The following RNF126 variants were observed in gnomAD, a reference collection of about 807,000 sequenced individuals.
The protein encoded by RNF126 is E3 ubiquitin-protein ligase RNF126.
Under a neutral mutation model 41.9 loss-of-function variants are expected in RNF126, and 20 were observed. That is an observed-to-expected ratio of 0.48 (90% CI 0.34 to 0.69). The LOEUF is 0.69. Among genes scored for constraint, RNF126 ranks in the 30% least tolerant of loss-of-function variants. The pLI, the probability that RNF126 is intolerant of heterozygous loss-of-function variation, is 0.01. For synonymous variants in RNF126, 239 were observed against 202.9 expected (o/e 1.18, Z -1.51); for missense variants, 433 against 460.6 (o/e 0.94, Z 0.55).
At chr19:655,172 G>A (rs1004566665) in intron 1 of RNF126, among the ~76,000 whole-genome samples, 4 of 152,004 alleles carry the variant, frequency 2.6e-5, no homozygotes, top group Admixed American at 6.6e-5. Context: ...TGGGTATGCT[G>A]GGGTGGGTCT....
At chr19:652,326 G>C in intron 2 of RNF126, 30 bp from the exon 3 acceptor site, 3 of 1,535,330 alleles carry the variant, frequency 2.0e-6, no homozygotes, top group Non-Finnish European at 2.6e-6. Flanking sequence ...CAGCAGTGCC[G>C]GCTACCCTGT....
At chr19:653,761 A>T (rs980201076) in intron 1 of RNF126, among the ~76,000 whole-genome samples, 1 of 152,160 alleles carries the variant, frequency 6.6e-6, no homozygotes, top group African/African-American at 2.4e-5. Flanking sequence ...CTGGAAGCTA[A>T]ATCAACTGCT....
intron 3 of RNF126, 125 bp from the exon 4 acceptor site, chr19:651,980 G>A (rs1343654427): frequency 4.6e-6 from 4 of 873,866 alleles, no homozygotes; most frequent in African/African-American, 1.7e-5. Flanking sequence ...GGAGGGAGAC[G>A]CAGACAGGGA....
chr19:649,423 G>A, intron 6 of RNF126: 1 of 533,324 alleles, frequency 1.9e-6, no homozygotes, highest in Non-Finnish European at 3.4e-6. Flanking sequence ...CTGACCATGT[G>A]ACTGTGGGCG....
intron 1 of RNF126, 36 bp from the exon 2 acceptor site, chr19:652,920 G>A (rs373219354): frequency 1.8e-4 from 293 of 1,589,570 alleles, no homozygotes; most frequent in East Asian, 2.2e-4. Flanking sequence ...TCACGGTGAC[G>A]CCGGCATCAC....
At position 648,040 on chromosome 19, in the gene RNF126, G is replaced by A. The variant is rs1444994843; in HGVS notation, c.*88C>T. ...GCGCTGACCAGCCAAGCGTGGCGCC[G>A]CCGGGGCACCCAGTCTGTGGGTGCC... On this transcript the variant is annotated 3_prime_UTR_variant, in exon 9 of 9. Coordinates refer to ENST00000292363, the MANE Select transcript of RNF126 (RefSeq NM_194460.3). 27 of 1,399,012 alleles carry A rather than the reference G, an allele frequency of 1.9e-5. No homozygotes were observed. The highest frequency in any genetic ancestry group is 4.4e-5 in the South Asian group (3 of 68,696). 86.7% of individuals were successfully genotyped at this position (1,399,012 alleles called of 1,614,324 possible). A position where few individuals can be genotyped will look rare whatever the true frequency, so the allele number is the denominator to read the frequency against.
intron 4 of RNF126, chr19:650,576 C>A: frequency 7.6e-6 from 2 of 263,740 alleles, no homozygotes. Flanking sequence ...GTCCACCACT[C>A]TCGGCTACTT....
At chr19:653,886 AAC>A (rs1326303165) in intron 1 of RNF126, among the ~76,000 whole-genome samples, 2 of 152,254 alleles carry the variant, frequency 1.3e-5, no homozygotes, top group African/African-American at 2.4e-5. Context: ...ACCCCCAGGT[AAC>A]ACAGACAAAA....
intron 1 of RNF126, among the ~76,000 whole-genome samples, chr19:656,777 T>C (rs1216605456): frequency 6.6e-6 from 1 of 152,192 alleles, no homozygotes; most frequent in Non-Finnish European, 1.5e-5. Flanking sequence ...GCGTCGGTTC[T>C]TGGGGTGTGT....
rs368836566 is a variant in RNF126 at position 652,214 on chromosome 19, C to G, written c.198+19G>C. ...GCAAGGCTGACACGATCGGGAAGCA[C>G]GAGGGGCGGGCGACTCACCTCCAAC... On this transcript the variant is annotated intron_variant, in intron 3 of 8. Transcript: ENST00000292363. 6.6e-7 allele frequency: 1 copy of G among 1,510,618 alleles called. No homozygotes were observed. Among genetic ancestry groups the G allele is most frequent in the Non-Finnish European group, 8.8e-7 (1 of 1,138,350 alleles). 93.6% of individuals were successfully genotyped at this position (1,510,618 alleles called of 1,614,324 possible).
chr19:652,993 G>A (rs1030474345), intron 1 of RNF126, 109 bp from the exon 2 acceptor site: 1 of 1,027,404 alleles, frequency 9.7e-7, no homozygotes, highest in Non-Finnish European at 1.5e-6. Context: ...TGGCTGGCCA[G>A]GCACACGCAG....
At chr19:652,716 G>C (rs546522526) in intron 2 of RNF126, 110 bp downstream of exon 2, 3 of 966,356 alleles carry the variant, frequency 3.1e-6, no homozygotes, top group African/African-American at 3.2e-5. Flanking sequence ...ACAGACACCA[G>C]GGCCTGACGG....
Position 659,805 on chromosome 19 carries a change from C to T in RNF126, c.75+3242G>A, listed in dbSNP as rs2030718639. 6.6e-6 allele frequency among the ~76,000 whole-genome samples: 1 copy of T among 151,336 alleles called. No homozygotes were observed. The highest frequency in any genetic ancestry group is 6.6e-5 in the Admixed American group (1 of 15,190). On this transcript the variant is annotated intron_variant, in intron 1 of 8. Coordinates refer to ENST00000292363, the MANE Select transcript of RNF126 (RefSeq NM_194460.3). This position sits in a 1 kb window ranked among gnomAD's most constrained non-coding sequence, Gnocchi z 4.9. ...TTTGGAAGGAGTCTTGCTCTGTCAC[C>T]CAGGCTGGACTGCAGTGGCACAATC...
chr19:655,758 G>T (rs1600638601), intron 1 of RNF126, among the ~76,000 whole-genome samples: 1 of 152,160 alleles, frequency 6.6e-6, no homozygotes, highest in African/African-American at 2.4e-5. Flanking sequence ...GAACTGGCAG[G>T]TGAGAGTTCA....
At position 651,829 on chromosome 19, in the gene RNF126, C is replaced by G. The variant is rs755134546; in HGVS notation, c.225G>C (p.Leu75=). ...LEHVDQHLFT[L]PQGYGQFAFG... is the part of the protein sequence containing the mutation. ...AAGCAAACTGTCCGTAGCCCTGCGG[C>G]AGCGTGAACAGGTGCTGGTCCACGT... Residue 75 remains leucine (L), a synonymous_variant, in exon 4 of 9, where the codon CTG becomes CTC. Transcript: ENST00000292363. The G allele has an allele frequency of 1.2e-6, 2 of 1,611,600 alleles. No individual in the cohort carries two copies. Among genetic ancestry groups the G allele is most frequent in the Non-Finnish European group, 1.7e-6 (2 of 1,179,416 alleles).
chr19:660,483 C>A (rs1466671697), intron 1 of RNF126, among the ~76,000 whole-genome samples: 1 of 149,416 alleles, frequency 6.7e-6, no homozygotes, highest in African/African-American at 2.6e-5. Context: ...GCAGCAGTGC[C>A]GCCCCTGACT....
At position 657,381 on chromosome 19, in the gene RNF126, C is replaced by T. The variant is rs553082150; in HGVS notation, c.76-4497G>A. On this transcript the variant is annotated intron_variant, in intron 1 of 8. Coordinates refer to ENST00000292363, the MANE Select transcript of RNF126 (RefSeq NM_194460.3). ...GGGCACAACGCATGCTCCCGCCACC[C>T]GCACTGCCGGCTCACGACAGCCCGA... 7.9e-5 allele frequency among the ~76,000 whole-genome samples: 12 copies of T among 152,348 alleles called. No homozygotes were observed. In the South Asian group the frequency reaches 1.0e-3, roughly 13 times the overall value.
At chr19:662,149 T>C (rs1043829837) in intron 1 of RNF126, among the ~76,000 whole-genome samples, 3 of 152,098 alleles carry the variant, frequency 2.0e-5, no homozygotes, top group African/African-American at 7.2e-5. Flanking sequence ...GGAGACCCCA[T>C]TCCTAAAAAT....
chr19:648,523 G>A, intron 7 of RNF126, 36 bp from the exon 8 acceptor site: 1 of 1,498,556 alleles, frequency 6.7e-7, no homozygotes, highest in Non-Finnish European at 9.0e-7. Context: ...CAGCGGGCGT[G>A]GGGGGCCTGC....
Sources: gnomAD v4.1 joint callset for allele counts (sites outside exome capture counted in the v4.1 genomes callset) on GRCh38, gnomAD v4.1.1 for gene constraint, Gnocchi (gnomAD v3.1) non-coding constraint, MANE v1.5 for transcripts, NCBI Gene and HGNC (gene_info 2026-07-23, HGNC 2026-07-21) for gene names.